The following RB1 variants were observed in gnomAD, a reference collection of about 807,000 sequenced individuals.
RB1 encodes the protein RB transcriptional corepressor 1.
In RB1, 18 loss-of-function variants were observed where a neutral mutation model predicts 135.4. The observed-to-expected ratio is 0.13, with a 90% CI of 0.09 to 0.20. The LOEUF is 0.20. Among genes scored for constraint, RB1 ranks in the 10% least tolerant of loss-of-function variants. RB1 has a pLI of 1.00. For synonymous variants in RB1, 365 were observed against 373.2 expected (o/e 0.98, Z 0.25); for missense variants, 868 against 1,110.0 (o/e 0.78, Z 3.10).
rs1566241111 is a variant in RB1 at position 48,477,228 on chromosome 13, T to C, written c.2664-127T>C. ...TTTTAGATGGTTAGTTTTTAAATTTTAAAATTAAAAGCTACTCACTAAAAT... is the reference window on the plus strand; with the variant it reads ...TTTTAGATGGTTAGTTTTTAAATTTCAAAATTAAAAGCTACTCACTAAAAT... On this transcript the variant is annotated intron_variant, in intron 25 of 26. Coordinates refer to ENST00000267163, the MANE Select transcript of RB1 (RefSeq NM_000321.3). The C allele has an allele frequency of 1.1e-5, 8 of 704,768 alleles. 1 individual carries two copies. In the South Asian group the frequency reaches 1.4e-4, roughly 13 times the overall value. The allele number at this position is 704,768 out of a possible 1,614,324, so 43.7% of individuals were successfully genotyped here.
At chr13:48,341,585 T>C (rs1026583430) in intron 2 of RB1, among the ~76,000 whole-genome samples, 1 of 152,172 alleles carries the variant, frequency 6.6e-6, no homozygotes, top group East Asian at 1.9e-4. Flanking sequence ...ATATTGTCAG[T>C]CTTTTACATT....
chr13:48,304,197 C>T, intron 1 of RB1, 148 bp downstream of exon 1: 1 of 919,072 alleles, frequency 1.1e-6, no homozygotes, highest in Non-Finnish European at 1.5e-6. Flanking sequence ...CCCGCCACGG[C>T]GGAGCGTCTG....
intron 26 of RB1, among the ~76,000 whole-genome samples, chr13:48,478,455 G>C (rs1359095058): frequency 6.6e-6 from 1 of 152,024 alleles, no homozygotes; most frequent in African/African-American, 2.4e-5. Flanking sequence ...ATAGACAAGA[G>C]GCTCATAACC....
At chr13:48,462,958 T>C (rs1244499189) in intron 20 of RB1, among the ~76,000 whole-genome samples, 1 of 152,212 alleles carries the variant, frequency 6.6e-6, no homozygotes, top group Admixed American at 6.5e-5. Flanking sequence ...GCTATTCTTA[T>C]GTCAGGACTA....
intron 17 of RB1, among the ~76,000 whole-genome samples, chr13:48,409,826 G>A (rs113294355): frequency 2.6e-5 from 4 of 151,886 alleles, no homozygotes; most frequent in African/African-American, 9.7e-5. Flanking sequence ...TGATCCACCC[G>A]CCTCAGCCAC....
chr13:48,317,135 G>C, intron 2 of RB1: 1 of 897,594 alleles, frequency 1.1e-6, no homozygotes, highest in South Asian at 2.9e-5. Flanking sequence ...GGCTGGGCCC[G>C]GCCTGGGCCT....
At chr13:48,387,453 A>G (rs1054900788) in intron 17 of RB1, among the ~76,000 whole-genome samples, 1 of 152,148 alleles carries the variant, frequency 6.6e-6, no homozygotes, top group African/African-American at 2.4e-5. Flanking sequence ...AAAACCACAT[A>G]TTGTATAAAT....
intron 23 of RB1, among the ~76,000 whole-genome samples, chr13:48,470,569 TA>T: frequency 5.2e-5 from 1 of 19,394 alleles, no homozygotes; most frequent in Non-Finnish European, 1.4e-4. Context: ...AAATGGGATC[TA>T]ATTAAACTCA....
Position 48,456,305 on chromosome 13 carries a change from A to G in RB1, c.1916A>G (p.Gln639Arg), listed in dbSNP as rs775880919. 6 of 1,614,254 alleles carry G rather than the reference A, an allele frequency of 3.7e-6. No homozygotes were observed. The highest frequency in any genetic ancestry group is 5.1e-6 in the Non-Finnish European group (6 of 1,180,042). The change falls in exon 19 of 27, where the codon CAG becomes CGG. Residue 639 changes from glutamine (Q) to arginine (R), a missense_variant. Gln to Arg is a conservative substitution (Grantham distance 43, BLOSUM62 1). Around this residue, in one of 3 missense-constraint regions of RB1, gnomAD observed 641 missense variants for 791.3 expected, o/e 0.81. Transcript: ENST00000267163. ...CAAGCAACCTCAGCCTTCCAGACCC[A>G]GAAGCCATTGAAATCTACCTCTCTT... ...ETQATSAFQT[Q>R]KPLKSTSLSL...
intron 17 of RB1, among the ~76,000 whole-genome samples, chr13:48,415,030 C>T (rs1223372526): frequency 1.3e-5 from 2 of 151,840 alleles, no homozygotes; most frequent in Non-Finnish European, 2.9e-5. Flanking sequence ...TTTAAAAAAA[C>T]AAAATCTTAG....
chr13:48,452,855 C>A, intron 17 of RB1, 138 bp from the exon 18 acceptor site: 2 of 1,278,054 alleles, frequency 1.6e-6, no homozygotes, highest in Non-Finnish European at 2.1e-6. Context: ...AAAAATATTT[C>A]ATTCTGACTT....
intron 7 of RB1, among the ~76,000 whole-genome samples, chr13:48,361,763 C>A (rs568474467): frequency 7.9e-5 from 12 of 152,012 alleles, no homozygotes; most frequent in Admixed American, 2.6e-4. Flanking sequence ...TCCATCCTTT[C>A]TTTTTTTCCT....
chr13:48,337,187 T>A (rs1207860467), intron 2 of RB1, among the ~76,000 whole-genome samples: 1 of 152,336 alleles, frequency 6.6e-6, no homozygotes, highest in South Asian at 2.1e-4. Context: ...TGTAGATGTC[T>A]ATTAGGTCCG....
chr13:48,410,827 C>G (rs1428571874), intron 17 of RB1, among the ~76,000 whole-genome samples: 1 of 152,118 alleles, frequency 6.6e-6, no homozygotes, highest in African/African-American at 2.4e-5. Flanking sequence ...TGTTACTGCT[C>G]AAGATCTTCC....
intron 4 of RB1, among the ~76,000 whole-genome samples, chr13:48,346,090 A>C (rs1593436348): frequency 7.9e-6 from 1 of 127,334 alleles, no homozygotes; most frequent in Non-Finnish European, 1.6e-5. Flanking sequence ...ATATGGTAGC[A>C]TTGGCCATCT....
At chr13:48,327,505 G>A (rs1226944241) in intron 2 of RB1, among the ~76,000 whole-genome samples, 13 of 152,162 alleles carry the variant, frequency 8.5e-5, no homozygotes, top group Non-Finnish European at 1.5e-5. Context: ...TAAGAGCTAA[G>A]CGTCTGTATC....
chr13:48,322,690 G>T (rs1399843513), intron 2 of RB1, among the ~76,000 whole-genome samples: 1 of 152,128 alleles, frequency 6.6e-6, no homozygotes, highest in Non-Finnish European at 1.5e-5. Flanking sequence ...ATCAGTTGAA[G>T]AATTTTTTAT....
intron 2 of RB1, chr13:48,328,064 A>G (rs1952303124): frequency 2.5e-6 from 2 of 812,840 alleles, no homozygotes; most frequent in Non-Finnish European, 4.3e-6. Context: ...CCACACCCCA[A>G]TTTCAAAACA....
chr13:48,406,111 T>TGC (rs1426222377), intron 17 of RB1, among the ~76,000 whole-genome samples: 3 of 151,740 alleles, frequency 2.0e-5, no homozygotes, highest in Non-Finnish European at 4.4e-5. Flanking sequence ...TGTGTGTGTG[T>TGC]GTATGTATGT....
Sources: gnomAD v4.1 joint callset for allele counts (sites outside exome capture counted in the v4.1 genomes callset) on GRCh38, gnomAD v4.1.1 for gene constraint, gnomAD v4.1.1 regional missense constraint, MANE v1.5 for transcripts, NCBI Gene and HGNC (gene_info 2026-07-23, HGNC 2026-07-21) for gene names.